ASIC2: variants seen among roughly 807,000 people sequenced by gnomAD.
ASIC2 encodes acid-sensing ion channel 2.
Under a neutral mutation model 57.3 loss-of-function variants are expected in ASIC2, and 25 were observed. The observed-to-expected ratio is 0.44, with a 90% CI of 0.32 to 0.61. The LOEUF (loss-of-function observed/expected upper bound fraction) is 0.61, where lower values mean the gene tolerates loss of function less well. Ranked by LOEUF, ASIC2 falls within the 20% of genes least tolerant of loss-of-function variation. The pLI is 0.06. For synonymous variants in ASIC2, 319 were observed against 307.5 expected (o/e 1.04, Z -0.39); for missense variants, 641 against 738.1 (o/e 0.87, Z 1.52).
intron 1 of ASIC2, among the ~76,000 whole-genome samples, chr17:34,011,090 C>G (rs373906893): frequency 0.023 from 71 of 3,144 alleles, no homozygotes; most frequent in South Asian, 0.038. Flanking sequence ...CACATGCACA[C>G]ACACACACAG....
intron 1 of ASIC2, among the ~76,000 whole-genome samples, chr17:33,308,282 G>A (rs1906265711): frequency 6.6e-6 from 1 of 152,260 alleles, no homozygotes; most frequent in Admixed American, 6.5e-5. Flanking sequence ...ATTCCTTTAA[G>A]CCACTACATC....
intron 1 of ASIC2, among the ~76,000 whole-genome samples, chr17:33,674,953 A>G (rs1329547647): frequency 6.6e-6 from 1 of 152,164 alleles, no homozygotes; most frequent in Non-Finnish European, 1.5e-5. Context: ...GAGAATGACA[A>G]TCTCATCAAT....
intron 1 of ASIC2, among the ~76,000 whole-genome samples, chr17:33,816,285 C>T (rs1414755636): frequency 1.3e-5 from 2 of 151,612 alleles, no homozygotes; most frequent in Non-Finnish European, 2.9e-5. Context: ...TTCCAAAATG[C>T]GGAGGTGAAG....
chr17:33,173,611 G>A (rs1303616608), intron 1 of ASIC2, among the ~76,000 whole-genome samples: 1 of 152,190 alleles, frequency 6.6e-6, no homozygotes. Context: ...AGTGTGACTT[G>A]TTTGTAGAAG....
At chr17:33,303,534 G>A (rs1369449471) in intron 1 of ASIC2, among the ~76,000 whole-genome samples, 4 of 152,068 alleles carry the variant, frequency 2.6e-5, no homozygotes, top group Non-Finnish European at 4.4e-5. Flanking sequence ...GCAACTACAT[G>A]GCCACAAAGT....
At chr17:33,082,454 T>C (rs1158088884) in intron 3 of ASIC2, among the ~76,000 whole-genome samples, 1 of 152,258 alleles carries the variant, frequency 6.6e-6, no homozygotes, top group Non-Finnish European at 1.5e-5. Flanking sequence ...ATCCTAGCAC[T>C]TTGGAAGGCA....
At chr17:33,408,534 C>T (rs918294985) in intron 1 of ASIC2, among the ~76,000 whole-genome samples, 3 of 152,132 alleles carry the variant, frequency 2.0e-5, no homozygotes, top group Non-Finnish European at 2.9e-5. Flanking sequence ...TAAAATGATG[C>T]TATAGTAGGT....
chr17:33,752,119 G>C (rs1910454074), intron 1 of ASIC2, among the ~76,000 whole-genome samples: 1 of 152,182 alleles, frequency 6.6e-6, no homozygotes. Context: ...TCTGGGTAGA[G>C]ACTGACCCAG....
At chr17:33,550,492 A>T (rs2141976282) in intron 1 of ASIC2, among the ~76,000 whole-genome samples, 1 of 152,364 alleles carries the variant, frequency 6.6e-6, no homozygotes, top group East Asian at 1.9e-4. Flanking sequence ...ATACTGGGAT[A>T]GCTCTTGTTT....
chr17:33,767,745 T>C (rs911784158), intron 1 of ASIC2, among the ~76,000 whole-genome samples: 8 of 152,246 alleles, frequency 5.3e-5, no homozygotes, highest in African/African-American at 1.9e-4. Flanking sequence ...GCCAATTTAC[T>C]TGTAACCTTG....
chr17:34,118,009 T>G (rs1911478388), intron 1 of ASIC2, among the ~76,000 whole-genome samples: 1 of 152,194 alleles, frequency 6.6e-6, no homozygotes, highest in South Asian at 2.1e-4. Context: ...GGAGAATTCC[T>G]GTAAGGCTTC....
intron 1 of ASIC2, among the ~76,000 whole-genome samples, chr17:34,046,835 G>A (rs1412788261): frequency 2.0e-5 from 3 of 152,068 alleles, no homozygotes; most frequent in Non-Finnish European, 4.4e-5. Flanking sequence ...AGGCCTGGGG[G>A]GTAGGCTTCC....
chr17:33,633,828 G>T (rs1906256242), intron 1 of ASIC2, among the ~76,000 whole-genome samples: 1 of 152,174 alleles, frequency 6.6e-6, no homozygotes, highest in Non-Finnish European at 1.5e-5. Context: ...TTTACGAAAG[G>T]CATGTTTTAC....
intron 1 of ASIC2, among the ~76,000 whole-genome samples, chr17:33,969,221 T>G (rs1252231253): frequency 6.6e-6 from 1 of 152,240 alleles, no homozygotes; most frequent in Non-Finnish European, 1.5e-5. Context: ...TGGGGGACTT[T>G]GAAGAAGTGT....
intron 1 of ASIC2, among the ~76,000 whole-genome samples, chr17:33,805,171 G>A (rs1177612057): frequency 2.0e-5 from 3 of 152,062 alleles, no homozygotes; most frequent in African/African-American, 7.2e-5. Flanking sequence ...TCTTATTTTT[G>A]AATTCTTCCT....
chr17:33,796,797 G>A (rs1911931280), intron 1 of ASIC2, among the ~76,000 whole-genome samples: 1 of 152,172 alleles, frequency 6.6e-6, no homozygotes, highest in African/African-American at 2.4e-5. Context: ...GGGGCTGGTA[G>A]GAGATTAAGG....
rs962084507 is a variant in ASIC2 at position 33,374,524 on chromosome 17, G to A, written c.556-262457C>T. 3.3e-5 allele frequency among the ~76,000 whole-genome samples: 5 copies of A among 152,140 alleles called. No individual in the cohort carries two copies. In the East Asian group the frequency reaches 9.6e-4, roughly 29 times the overall value. On this transcript the variant is annotated intron_variant, in intron 1 of 9. Coordinates refer to the ASIC2 transcript ENST00000359872. ...TAAAAACCCTAAGCTCTGAGCTTTT[G>A]GGGAGACTAATTTGAGTAATAACTC...
rs35048594 is a variant in ASIC2, at chr17:33,732,503, C to CTTT, written c.555+423472_555+423474dup. Among the ~76,000 whole-genome samples the CTTT allele has an allele frequency of 1.7e-3, 211 of 127,294 alleles. 1 individual carries two copies. The highest frequency in any genetic ancestry group is 5.2e-3 in the African/African-American group (186 of 35,882). 83.5% of individuals were successfully genotyped at this position (127,294 alleles called of 152,430 possible). A position where few individuals can be genotyped will look rare whatever the true frequency, so the allele number is the denominator to read the frequency against. ...GTAAGATGCAGGCGCTAAGGAAATT[C>CTTT]TTTTTTTTTTTTTTTTTTTAAGACG... On this transcript the variant is annotated intron_variant, in intron 1 of 9. Transcript: ENST00000359872.
intron 1 of ASIC2, among the ~76,000 whole-genome samples, chr17:33,974,604 C>CCA (rs1905316678): frequency 7.7e-6 from 1 of 130,628 alleles, no homozygotes; most frequent in African/African-American, 3.2e-5. Context: ...AGGAACCTAT[C>CCA]TATCCATCCA....
Sources: gnomAD v4.1 joint callset for allele counts (sites outside exome capture counted in the v4.1 genomes callset) on GRCh38, gnomAD v4.1.1 for gene constraint, MANE v1.5 for transcripts, NCBI Gene and HGNC (gene_info 2026-07-23, HGNC 2026-07-21) for gene names.